Variants in FAM234A observed in about 807,000 individuals in gnomAD.
FAM234A encodes the protein protein FAM234A.
FAM234A carries 42 observed loss-of-function variants against 49.1 expected under a neutral mutation model. The ratio of observed to expected loss-of-function variants is 0.86; its 90% CI spans 0.67 to 1.11. The LOEUF is 1.11. Among genes scored for constraint, FAM234A ranks in the 50% least tolerant of loss-of-function variants. The pLI is 0.00. For synonymous variants in FAM234A, 369 were observed against 316.2 expected (o/e 1.17, Z -1.77); for missense variants, 815 against 745.2 (o/e 1.09, Z -1.09).
chr16:259,401 G>A, intron 3 of FAM234A, 82 bp from the exon 4 acceptor site: 1 of 783,406 alleles, frequency 1.3e-6, no homozygotes, highest in Non-Finnish European at 2.2e-6. Context: ...CCATGTAGCA[G>A]AGAAGTAGGT....
At chr16:269,285 C>A (rs1274234060), downstream of FAM234A, 1 of 1,574,536 alleles carries the variant, frequency 6.4e-7, no homozygotes, top group East Asian at 2.3e-5. Context: ...CACCCCATCT[C>A]CACCCCCAGG....
At chr16:241,843 T>C (rs1237831868) in intron 1 of FAM234A, among the ~76,000 whole-genome samples, 6 of 146,270 alleles carry the variant, frequency 4.1e-5, no homozygotes, top group African/African-American at 1.5e-4. Flanking sequence ...GAGGCGGAGG[T>C]TGCAGTGAGC....
downstream of FAM234A, chr16:268,183 ACAAT>A (rs1257086217): frequency 2.3e-5 from 4 of 170,348 alleles, no homozygotes; most frequent in Admixed American, 5.6e-5. Flanking sequence ...TGCACTACAC[ACAAT>A]CACACACGCT....
chr16:241,094 A>AT (rs1368531827), intron 1 of FAM234A, among the ~76,000 whole-genome samples: 3 of 151,294 alleles, frequency 2.0e-5, no homozygotes, highest in African/African-American at 7.3e-5. Flanking sequence ...TAGTTTTTGT[A>AT]TTTTTTTGTG....
chr16:268,657 G>A, downstream of FAM234A: 1 of 1,025,356 alleles, frequency 9.8e-7, no homozygotes, highest in East Asian at 2.6e-5. Context: ...GAAAGCAGGT[G>A]CCGGCGCACC....
chr16:260,734 C>T, intron 5 of FAM234A: 1 of 441,634 alleles, frequency 2.3e-6, no homozygotes, highest in Non-Finnish European at 4.8e-6. Flanking sequence ...TCATATTTCC[C>T]TTACAAGCTG....
At position 243,347 on chromosome 16, in the gene FAM234A, C is replaced by T. The variant is rs141207723; in HGVS notation, c.-139-6202C>T. ...CTGTTTTTTTAAATAGCCACATGGCCTGACTCTCTGTGGTCAATGGTATGG... is the reference window on the plus strand; with the variant it reads ...CTGTTTTTTTAAATAGCCACATGGCTTGACTCTCTGTGGTCAATGGTATGG... On this transcript the variant is annotated intron_variant, in intron 1 of 12. Transcript: ENST00000399932. 4.0e-4 allele frequency among the ~76,000 whole-genome samples: 61 copies of T among 152,192 alleles called. 1 individual carries two copies. Among genetic ancestry groups the T allele is most frequent in the Middle Eastern group, 3.4e-3 (1 of 294 alleles).
In FAM234A at chr16:249,617, C is replaced by G. The variant is rs570259308; in HGVS notation, c.-71C>G. On this transcript the variant is annotated 5_prime_UTR_variant, in exon 2 of 13. Transcript: ENST00000399932. ...CACGACCAGATGCACCAGCAGGAGT[C>G]CACATCGAGGACGTCCTCCGGGCAC... is the stretch of plus-strand genomic sequence containing the variant. 6.6e-6 allele frequency: 1 copy of G among 152,160 alleles called. No homozygotes were observed. Among genetic ancestry groups the G allele is most frequent in the Non-Finnish European group, 1.5e-5 (1 of 68,050 alleles). 9.4% of individuals were successfully genotyped at this position (152,160 alleles called of 1,614,324 possible).
intron 1 of FAM234A, among the ~76,000 whole-genome samples, chr16:246,638 C>T (rs953775056): frequency 2.0e-5 from 3 of 150,990 alleles, no homozygotes; most frequent in African/African-American, 2.4e-5. Context: ...CCAGGATGGT[C>T]TCAATCTCCT....
downstream of FAM234A, chr16:269,506 C>T: frequency 6.2e-7 from 1 of 1,613,096 alleles, no homozygotes; most frequent in Non-Finnish European, 8.5e-7. Flanking sequence ...GGCTCACCGT[C>T]TCTTCATCTC....
chr16:256,053 G>T (rs2051218632), intron 3 of FAM234A, among the ~76,000 whole-genome samples: 1 of 152,254 alleles, frequency 6.6e-6, no homozygotes, highest in Admixed American at 6.5e-5. Context: ...CCGTTCGTTT[G>T]TGTCGTGGTC....
At chr16:235,880 C>T (rs755527725) in intron 1 of FAM234A, among the ~76,000 whole-genome samples, 8 of 152,172 alleles carry the variant, frequency 5.3e-5, no homozygotes, top group Non-Finnish European at 8.8e-5. Context: ...TGGGCCGGCG[C>T]GGTGGCTCAC....
rs552685505 is a variant in FAM234A at position 259,493 on chromosome 16, C to T, written c.279C>T (p.Asp93=). The T allele has an allele frequency of 1.3e-6, 2 of 1,597,908 alleles. No homozygotes were observed. Among genetic ancestry groups the T allele is most frequent in the Non-Finnish European group, 1.7e-6 (2 of 1,165,702 alleles). The change falls in exon 4 of 13, where the codon GAC becomes GAT. Residue 93 remains aspartate (D), a synonymous_variant. Coordinates refer to ENST00000399932, the MANE Select transcript of FAM234A (RefSeq NM_032039.4). ...RIDYSAAVIY[D]FLAVDDINGD... is the part of the protein sequence containing the mutation. ...GGTTTTCTCTTTCAGTTATCTATGA[C>T]TTTCTGGCTGTGGATGATATAAACG...
chr16:254,908 T>C (rs1567218591), intron 3 of FAM234A, among the ~76,000 whole-genome samples: 1 of 152,168 alleles, frequency 6.6e-6, no homozygotes, highest in Non-Finnish European at 1.5e-5. Flanking sequence ...CAGGCTGGAG[T>C]GCACTGGCAC....
rs2051674072 is a variant in FAM234A at position 265,799 on chromosome 16, G to C, written c.*777G>C. The C allele has an allele frequency of 3.0e-6, 3 of 985,618 alleles. No individual in the cohort carries two copies. The highest frequency in any genetic ancestry group is 2.4e-6 in the Non-Finnish European group (2 of 830,104). The allele number at this position is 985,618 out of a possible 1,614,324, so 61.1% of individuals were successfully genotyped here. A position where few individuals can be genotyped will look rare whatever the true frequency, so the allele number is the denominator to read the frequency against. On this transcript the variant is annotated 3_prime_UTR_variant, in exon 13 of 13. Transcript: ENST00000399932. ...GGAACTGGCTGTGGAATGCGTGTTT[G>C]GGTCAGTCTGTGCCCTCTCAGTAGA...
At chr16:267,589 C>T (rs1319518835), downstream of FAM234A, among the ~76,000 whole-genome samples, 1 of 149,808 alleles carries the variant, frequency 6.7e-6, no homozygotes, top group Non-Finnish European at 1.5e-5. Flanking sequence ...CACAATCACA[C>T]GTGCTATGCG....
chr16:265,822 A>G lies in FAM234A; in HGVS notation c.*800A>G, dbSNP rs2051675206. 2 of 985,676 alleles carry G rather than the reference A, an allele frequency of 2.0e-6. No homozygotes were observed. Among genetic ancestry groups the G allele is most frequent in the African/African-American group, 1.7e-5 (1 of 57,346 alleles). The allele number at this position is 985,676 out of a possible 1,614,324, so 61.1% of individuals were successfully genotyped here. On this transcript the variant is annotated 3_prime_UTR_variant, in exon 13 of 13. Transcript: ENST00000399932. ...TTGGGTCAGTCTGTGCCCTCTCAGT[A>G]GACACTGGAGCTGCTCTGTCCCTGA...
chr16:260,414 G>A, intron 5 of FAM234A: 1 of 561,956 alleles, frequency 1.8e-6, no homozygotes, highest in Middle Eastern at 2.8e-4. Context: ...AACACACAGG[G>A]GCAGTCCGAT....
chr16:261,969 CCCTCTCTT>C, intron 6 of FAM234A, 116 bp from the exon 7 acceptor site: 1 of 1,311,074 alleles, frequency 7.6e-7, no homozygotes, highest in Admixed American at 2.1e-5. Context: ...AGGCTCACGT[CCCTCTCTT>C]CCTGGGCCTT....
Sources: gnomAD v4.1 joint callset for allele counts (sites outside exome capture counted in the v4.1 genomes callset) on GRCh38, gnomAD v4.1.1 for gene constraint, MANE v1.5 for transcripts, NCBI Gene and HGNC (gene_info 2026-07-23, HGNC 2026-07-21) for gene names.